Variants in LHFPL3 observed in about 807,000 individuals in gnomAD.
The protein encoded by LHFPL3 is LHFPL tetraspan subfamily member 3 protein.
A neutral mutation model predicts 19.3 loss-of-function variants in LHFPL3; 5 were observed. The observed-to-expected ratio is 0.26, with a 90% CI of 0.14 to 0.54. LHFPL3 has a LOEUF of 0.54. LHFPL3 is among the 20% of genes least tolerant of loss of function. The pLI is 0.94. For missense variants in LHFPL3, 249 were observed against 307.4 expected (o/e 0.81, Z 1.42); for synonymous variants, 133 against 126.2 (o/e 1.05, Z -0.36).
chr7:104,660,683 T>G (rs949740988), intron 1 of LHFPL3, among the ~76,000 whole-genome samples: 6 of 152,252 alleles, frequency 3.9e-5, no homozygotes, highest in Admixed American at 2.0e-4. Flanking sequence ...TTAGATTATC[T>G]TGACTTCTGT....
At chr7:104,390,359 C>T (rs543763071) in intron 1 of LHFPL3, among the ~76,000 whole-genome samples, 40 of 151,728 alleles carry the variant, frequency 2.6e-4, no homozygotes, top group African/African-American at 8.2e-4. Context: ...CACAACAGGC[C>T]CCAGTGTGTA....
At chr7:104,769,553 C>T (rs916080532) in intron 2 of LHFPL3, among the ~76,000 whole-genome samples, 4 of 152,122 alleles carry the variant, frequency 2.6e-5, no homozygotes, top group Non-Finnish European at 5.9e-5. Flanking sequence ...TGGTTTGCTG[C>T]ACCCATCAAC....
chr7:104,395,347 A>T (rs1477707230), intron 1 of LHFPL3, among the ~76,000 whole-genome samples: 1 of 152,228 alleles, frequency 6.6e-6, no homozygotes, highest in Admixed American at 6.5e-5. Context: ...CAGTAGCAAG[A>T]TCCTCCTGTT....
At chr7:104,365,927 G>T (rs938399585) in intron 1 of LHFPL3, among the ~76,000 whole-genome samples, 6 of 152,138 alleles carry the variant, frequency 3.9e-5, no homozygotes, top group Admixed American at 1.3e-4. Context: ...ACATTTTGGA[G>T]TCCAGGAAGA....
chr7:104,815,141 T>C (rs1465544943), intron 2 of LHFPL3, among the ~76,000 whole-genome samples: 2 of 152,010 alleles, frequency 1.3e-5, no homozygotes, highest in Non-Finnish European at 2.9e-5. Context: ...AGCCATGGCT[T>C]CCACAGCTAC....
At chr7:104,662,962 C>T (rs1792259713) in intron 1 of LHFPL3, among the ~76,000 whole-genome samples, 3 of 152,172 alleles carry the variant, frequency 2.0e-5, no homozygotes, top group Non-Finnish European at 4.4e-5. Context: ...AAATACTTTC[C>T]TCTTTACTGT....
At chr7:104,655,473 A>G (rs968231202) in intron 1 of LHFPL3, among the ~76,000 whole-genome samples, 3 of 152,256 alleles carry the variant, frequency 2.0e-5, no homozygotes, top group African/African-American at 4.8e-5. Flanking sequence ...ACGTTGGAGT[A>G]ACAGTCCTTG....
chr7:104,790,128 G>T (rs1174963740), intron 2 of LHFPL3, among the ~76,000 whole-genome samples: 1 of 152,130 alleles, frequency 6.6e-6, no homozygotes, highest in Admixed American at 6.5e-5. Context: ...ATTCACCAGG[G>T]CTCTGCACTC....
chr7:104,610,662 C>T (rs1243198918), intron 1 of LHFPL3, among the ~76,000 whole-genome samples: 1 of 152,132 alleles, frequency 6.6e-6, no homozygotes, highest in African/African-American at 2.4e-5. Flanking sequence ...GTTTCATATT[C>T]AGCTGTCTAT....
At chr7:104,638,067 G>T (rs1791761490) in intron 1 of LHFPL3, among the ~76,000 whole-genome samples, 1 of 151,976 alleles carries the variant, frequency 6.6e-6, no homozygotes, top group African/African-American at 2.4e-5. Context: ...TGATTTCTTT[G>T]AGTAGCGTTT....
At chr7:104,376,992 A>G (rs1354194630) in intron 1 of LHFPL3, among the ~76,000 whole-genome samples, 2 of 152,168 alleles carry the variant, frequency 1.3e-5, no homozygotes, top group South Asian at 4.1e-4. Context: ...TTTTGTTGGA[A>G]ATTTTGCTAA....
chr7:104,398,450 G>A (rs1791238560), intron 1 of LHFPL3, among the ~76,000 whole-genome samples: 1 of 152,138 alleles, frequency 6.6e-6, no homozygotes, highest in African/African-American at 2.4e-5. Context: ...TTTGTGGATT[G>A]CCTTTTAGTC....
At chr7:104,407,432 A>G (rs113812446) in intron 1 of LHFPL3, among the ~76,000 whole-genome samples, 4,574 of 152,238 alleles carry the variant, frequency 0.03, 201 homozygotes, top group East Asian at 0.16. Flanking sequence ...CAAGGTGGGC[A>G]GATCACCTGA....
At chr7:104,817,842 G>T (rs1790594711) in intron 2 of LHFPL3, among the ~76,000 whole-genome samples, 2 of 152,088 alleles carry the variant, frequency 1.3e-5, no homozygotes, top group Non-Finnish European at 2.9e-5. Context: ...TCCTCCCATT[G>T]CTGACTGATC....
chr7:104,759,149 T>C (rs1237522124), intron 2 of LHFPL3, among the ~76,000 whole-genome samples: 3 of 152,162 alleles, frequency 2.0e-5, no homozygotes, highest in Non-Finnish European at 2.9e-5. Flanking sequence ...AGAACTCCCA[T>C]TTCCTGAACG....
chr7:104,440,504 G>A (rs1200574609), intron 1 of LHFPL3, among the ~76,000 whole-genome samples: 2 of 151,820 alleles, frequency 1.3e-5, no homozygotes, highest in African/African-American at 4.8e-5. Context: ...CATGGCACAT[G>A]TATACATATG....
At chr7:104,546,292 C>A (rs1794577360) in intron 1 of LHFPL3, among the ~76,000 whole-genome samples, 1 of 152,142 alleles carries the variant, frequency 6.6e-6, no homozygotes, top group African/African-American at 2.4e-5. Context: ...ATTGTAAATT[C>A]TAGTGGAAAT....
At chr7:104,483,414 G>A (rs943963190) in intron 1 of LHFPL3, among the ~76,000 whole-genome samples, 1 of 152,020 alleles carries the variant, frequency 6.6e-6, no homozygotes, top group Non-Finnish European at 1.5e-5. Context: ...CTTTCCCAAA[G>A]AAAAAGGCTT....
At chr7:104,715,683 G>A (rs1340852103) in intron 1 of LHFPL3, among the ~76,000 whole-genome samples, 1 of 152,126 alleles carries the variant, frequency 6.6e-6, no homozygotes, top group African/African-American at 2.4e-5. Flanking sequence ...TGTTATTGTG[G>A]CATATCACAT....
Sources: allele counts gnomAD v4.1 joint callset (sites outside exome capture counted in the v4.1 genomes callset), GRCh38; gene constraint gnomAD v4.1.1; transcripts MANE v1.5; gene names NCBI Gene and HGNC (gene_info 2026-07-23, HGNC 2026-07-21).